Variants in EXD2 observed in about 807,000 individuals in gnomAD.
EXD2 encodes the protein exonuclease 3'-5' domain containing 2, also known as exonuclease 3'-5' domain-containing protein 2.
Under a neutral mutation model 62.5 loss-of-function variants are expected in EXD2, and 40 were observed. The observed-to-expected ratio is 0.64, with a 90% CI of 0.50 to 0.83. EXD2 has a LOEUF of 0.83. Ranked by LOEUF, EXD2 falls within the 40% of genes least tolerant of loss-of-function variation. EXD2 has a pLI of 0.00. For synonymous variants in EXD2, 239 were observed against 291.9 expected (o/e 0.82, Z 1.85); for missense variants, 671 against 761.8 (o/e 0.88, Z 1.40).
rs869194045 is a variant in EXD2, at chr14:69,220,253, G to GTTTTT, written c.334-8532_334-8528dup. 6.0e-3 allele frequency among the ~76,000 whole-genome samples: 209 copies of GTTTTT among 35,114 alleles called. 58 individuals are homozygous for GTTTTT. Among genetic ancestry groups the GTTTTT allele is most frequent in the Non-Finnish European group, 8.4e-3 (170 of 20,222 alleles). 23.0% of individuals were successfully genotyped at this position (35,114 alleles called of 152,430 possible). On this transcript the variant is annotated intron_variant, in intron 3 of 9. Coordinates refer to ENST00000685843, the MANE Select transcript of EXD2 (RefSeq NM_001193360.2). ...CTCTCAGCAAGTGTTTTGTCTCTCT[G>GTTTTT]TTTTTTTTTTTTTTTTTTTTTTTTT...
At chr14:69,195,749 G>T (rs1345013985) in intron 1 of EXD2, among the ~76,000 whole-genome samples, 2 of 152,122 alleles carry the variant, frequency 1.3e-5, no homozygotes, top group African/African-American at 2.4e-5. Context: ...GGTGTTTTGT[G>T]TAAAAGGAAT....
intron 3 of EXD2, among the ~76,000 whole-genome samples, chr14:69,210,626 A>G (rs2042774776): frequency 6.6e-6 from 1 of 152,136 alleles, no homozygotes; most frequent in South Asian, 2.1e-4. Context: ...CAGCCAGGTC[A>G]GCATAGCGAG....
intron 3 of EXD2, among the ~76,000 whole-genome samples, chr14:69,214,575 T>G (rs1048514779): frequency 5.3e-5 from 8 of 152,178 alleles, no homozygotes; most frequent in African/African-American, 1.7e-4. Context: ...ATGATTTATG[T>G]AAAGAGAACA....
intron 5 of EXD2, among the ~76,000 whole-genome samples, 180 bp downstream of exon 5, chr14:69,230,778 A>G (rs940292768): frequency 3.9e-5 from 6 of 152,148 alleles, no homozygotes; most frequent in African/African-American, 1.4e-4. Flanking sequence ...AAAGGATAAG[A>G]GTCCTGCTTT....
At chr14:69,225,774 A>G (rs906633857) in intron 3 of EXD2, among the ~76,000 whole-genome samples, 1 of 152,228 alleles carries the variant, frequency 6.6e-6, no homozygotes, top group African/African-American at 2.4e-5. Flanking sequence ...TATGAGAAAT[A>G]GAGACTAGAT....
Position 69,236,504 on chromosome 14 carries a change from C to T in EXD2, c.1254C>T (p.Asn418=). The change falls in exon 8 of 10, where the codon AAC becomes AAT. Residue 418 remains asparagine, a synonymous_variant. Coordinates refer to ENST00000685843, the MANE Select transcript of EXD2 (RefSeq NM_001193360.2). ...ACTATTACTTGATGGTTAAAGAGAA[C>T]CTGTGTGTAGTGTGTGGCAAGAGAG... The part of the protein sequence containing the change: ...PGDYYLMVKE[N]LCVVCGKRDS... 1 of 1,614,118 alleles carries T rather than the reference C, an allele frequency of 6.2e-7. No homozygotes were observed. Among genetic ancestry groups the T allele is most frequent in the Non-Finnish European group, 8.5e-7 (1 of 1,180,008 alleles).
chr14:69,212,483 T>C (rs1304962654), intron 3 of EXD2, among the ~76,000 whole-genome samples: 2 of 151,984 alleles, frequency 1.3e-5, no homozygotes, highest in Non-Finnish European at 2.9e-5. Flanking sequence ...TTTATGTAAA[T>C]GTTTATTCGA....
At chr14:69,205,281 G>A (rs1402988555) in intron 2 of EXD2, among the ~76,000 whole-genome samples, 4 of 151,952 alleles carry the variant, frequency 2.6e-5, no homozygotes. Context: ...GAACTCCTGG[G>A]CTCAAGTGAT....
Position 69,241,056 on chromosome 14 carries a change from C to A in EXD2, c.1822C>A (p.Leu608Met). The A allele has an allele frequency of 6.2e-7, 1 of 1,612,830 alleles. No individual in the cohort carries two copies. Among genetic ancestry groups the A allele is most frequent in the South Asian group, 1.1e-5 (1 of 91,014 alleles). The change falls in exon 10 of 10, where the codon CTG becomes ATG. Residue 608 changes from leucine (L) to methionine (M), a missense_variant. Leu to Met is a conservative substitution (Grantham distance 15). Transcript: ENST00000685843. ...QWSVDHNHQK[L>M]LRKFGEDLPI... is the part of the protein sequence containing the mutation. The stretch of plus-strand genomic sequence containing the variant: ...GTCAGTGGACCACAACCATCAGAAG[C>A]TGCTCCGGAAATTCGGGGAAGATCT...
intron 3 of EXD2, among the ~76,000 whole-genome samples, chr14:69,219,989 T>C (rs1418655404): frequency 1.3e-5 from 2 of 152,088 alleles, no homozygotes; most frequent in Admixed American, 6.5e-5. Context: ...TCAGATTAAA[T>C]CTGTTCATTT....
At chr14:69,233,597 G>C (rs960775518) in intron 5 of EXD2, among the ~76,000 whole-genome samples, 7 of 150,636 alleles carry the variant, frequency 4.6e-5, no homozygotes, top group African/African-American at 1.7e-4. Flanking sequence ...GTGCCACCGC[G>C]CCCAGCTGAT....
chr14:69,193,547 C>T (rs1327811509), intron 1 of EXD2, among the ~76,000 whole-genome samples: 1 of 152,066 alleles, frequency 6.6e-6, no homozygotes, highest in East Asian at 1.9e-4. Flanking sequence ...ATTGGATTGT[C>T]TTTTCCTTAT....
Position 69,225,516 on chromosome 14 carries a change from C to T in EXD2, c.334-3300C>T, listed in dbSNP as rs141840148. 1.8e-3 allele frequency among the ~76,000 whole-genome samples: 276 copies of T among 152,202 alleles called. 1 individual carries two copies. The highest frequency in any genetic ancestry group is 6.3e-3 in the African/African-American group (261 of 41,526). ...ACTTTGTACTTTTGTGTATATATAA[C>T]ACATTAATACAGTATTATATGTGCG... On this transcript the variant is annotated intron_variant, in intron 3 of 9. Coordinates refer to ENST00000685843, the MANE Select transcript of EXD2 (RefSeq NM_001193360.2).
At chr14:69,215,767 A>G (rs1303828494) in intron 3 of EXD2, among the ~76,000 whole-genome samples, 1 of 150,716 alleles carries the variant, frequency 6.6e-6, no homozygotes, top group Non-Finnish European at 1.5e-5. Context: ...TTTAATGGTC[A>G]TTTAGATATC....
intron 4 of EXD2, among the ~76,000 whole-genome samples, chr14:69,229,437 T>C (rs1183083573): frequency 6.6e-6 from 1 of 152,210 alleles, no homozygotes; most frequent in Non-Finnish European, 1.5e-5. Flanking sequence ...ATTTCTGGCT[T>C]CTCTTGAAAT....
intron 7 of EXD2, 108 bp downstream of exon 7, chr14:69,236,260 C>G (rs1214794877): frequency 6.7e-7 from 1 of 1,498,770 alleles, no homozygotes; most frequent in African/African-American, 1.4e-5. Context: ...GCAGAGAGAC[C>G]GTGAGATGCA....
chr14:69,192,325 A>T (rs530828464), intron 1 of EXD2, among the ~76,000 whole-genome samples: 1 of 152,338 alleles, frequency 6.6e-6, no homozygotes, highest in South Asian at 2.1e-4. Flanking sequence ...TTCCAAGGAT[A>T]GAAGGAATTG....
At chr14:69,216,376 G>A (rs1285868538) in intron 3 of EXD2, among the ~76,000 whole-genome samples, 3 of 152,156 alleles carry the variant, frequency 2.0e-5, no homozygotes, top group Admixed American at 6.6e-5. Context: ...ATCTGGGGCA[G>A]CAAGACCTGC....
chr14:69,196,077 A>C (rs923176513), intron 1 of EXD2: 1 of 152,380 alleles, frequency 6.6e-6, no homozygotes, highest in East Asian at 1.9e-4. Context: ...TTGGCAATCC[A>C]TGGCATTTCT....
Sources: gnomAD v4.1 joint callset for allele counts (sites outside exome capture counted in the v4.1 genomes callset) on GRCh38, gnomAD v4.1.1 for gene constraint, MANE v1.5 for transcripts, NCBI Gene and HGNC (gene_info 2026-07-23, HGNC 2026-07-21) for gene names.